Variants in RIT2 observed in about 807,000 individuals in gnomAD.
The protein encoded by RIT2 is Ras like without CAAX 2.
In RIT2, 24 loss-of-function variants were observed where a neutral mutation model predicts 23.7. That is an observed-to-expected ratio of 1.01 (90% CI 0.73 to 1.43). The LOEUF (loss-of-function observed/expected upper bound fraction) is 1.43, where lower values mean the gene tolerates loss of function less well. Ranked by LOEUF, RIT2 falls within the 40% of genes most tolerant of loss-of-function variation. The pLI is 0.00. For synonymous variants in RIT2, 107 were observed against 91.1 expected (o/e 1.17, Z -0.99); for missense variants, 236 against 266.9 (o/e 0.88, Z 0.81).
intron 4 of RIT2, among the ~76,000 whole-genome samples, chr18:42,766,814 C>G (rs1053816996): frequency 1.3e-5 from 2 of 152,170 alleles, no homozygotes; most frequent in East Asian, 3.9e-4. Context: ...ACTTGGTGCC[C>G]TGTGTCCCAG....
intron 4 of RIT2, among the ~76,000 whole-genome samples, chr18:42,832,655 G>A (rs765478324): frequency 6.6e-6 from 1 of 152,140 alleles, no homozygotes; most frequent in African/African-American, 2.4e-5. Flanking sequence ...CATTTATCAT[G>A]TATTTGTTTG....
At chr18:43,065,867 A>G (rs905949716) in intron 1 of RIT2, among the ~76,000 whole-genome samples, 3 of 152,174 alleles carry the variant, frequency 2.0e-5, no homozygotes, top group Non-Finnish European at 4.4e-5. Context: ...ATATATAAAT[A>G]ATGGCTTAAT....
chr18:43,041,192 G>T (rs1031915900), intron 1 of RIT2, among the ~76,000 whole-genome samples: 3 of 152,162 alleles, frequency 2.0e-5, no homozygotes, highest in South Asian at 2.1e-4. Flanking sequence ...TTCTTTGAAA[G>T]TTGGTTAGTG....
intron 1 of RIT2, among the ~76,000 whole-genome samples, chr18:43,080,689 C>T (rs539883759): frequency 3.9e-5 from 6 of 152,224 alleles, no homozygotes; most frequent in African/African-American, 1.4e-4. Context: ...TTGATTCTTT[C>T]ACAAAGCAAG....
intron 1 of RIT2, among the ~76,000 whole-genome samples, chr18:43,094,123 G>GTTTTTTTTTTTT (rs376144367): frequency 3.2e-4 from 37 of 116,010 alleles, no homozygotes; most frequent in Non-Finnish European, 4.5e-4. Flanking sequence ...GGTTTTTTTT[G>GTTTTTTTTTTTT]TTTTTTTTTT....
At chr18:42,860,441 G>C (rs1907296113) in intron 4 of RIT2, among the ~76,000 whole-genome samples, 1 of 152,114 alleles carries the variant, frequency 6.6e-6, no homozygotes, top group Non-Finnish European at 1.5e-5. Flanking sequence ...TCAGAGTTTT[G>C]AAAAAGTTGA....
chr18:42,952,970 T>A (rs1909889454), intron 3 of RIT2, among the ~76,000 whole-genome samples: 1 of 151,248 alleles, frequency 6.6e-6, no homozygotes, highest in South Asian at 2.1e-4. Flanking sequence ...CACTATACCA[T>A]CCTTTCTCAG....
At chr18:42,942,285 A>G (rs1218692273) in intron 3 of RIT2, among the ~76,000 whole-genome samples, 1 of 152,058 alleles carries the variant, frequency 6.6e-6, no homozygotes, top group Non-Finnish European at 1.5e-5. Context: ...GCAGGACTCA[A>G]CTTCTATAAC....
intron 1 of RIT2, among the ~76,000 whole-genome samples, chr18:43,086,597 C>T (rs956380299): frequency 5.9e-5 from 9 of 152,098 alleles, no homozygotes; most frequent in Non-Finnish European, 1.2e-4. Context: ...AATATGAAGG[C>T]TGGGGATGAA....
rs895587191 is a variant in RIT2 at position 43,023,458 on chromosome 18, C to T, written c.160+10353G>A. On this transcript the variant is annotated intron_variant, in intron 2 of 4. Transcript: ENST00000326695. ...ATTTCACCATTTTCATCTTATAGTT[C>T]GATTAATTCCTGCTAAGGATATCAA... Among the ~76,000 whole-genome samples the T allele has an allele frequency of 2.3e-4, 35 of 151,994 alleles. 1 individual carries two copies. The highest frequency in any genetic ancestry group is 6.7e-4 in the African/African-American group (28 of 41,494).
intron 4 of RIT2, among the ~76,000 whole-genome samples, chr18:42,815,503 G>C (rs749327880): frequency 6.6e-6 from 1 of 152,162 alleles, no homozygotes; most frequent in Non-Finnish European, 1.5e-5. Flanking sequence ...AATTATCACT[G>C]TTCCCAAGGA....
intron 2 of RIT2, among the ~76,000 whole-genome samples, chr18:43,006,060 G>C (rs960777379): frequency 6.6e-6 from 1 of 151,540 alleles, no homozygotes; most frequent in Admixed American, 6.6e-5. Flanking sequence ...AAAAAAAATT[G>C]AGAATAACAG....
chr18:42,819,893 C>T (rs1206159821), intron 4 of RIT2, among the ~76,000 whole-genome samples: 6 of 152,006 alleles, frequency 3.9e-5, no homozygotes, highest in Non-Finnish European at 8.8e-5. Flanking sequence ...TTCAGGATCC[C>T]CTGTGGATAC....
At chr18:42,970,887 A>G (rs1910346823) in intron 3 of RIT2, among the ~76,000 whole-genome samples, 3 of 151,916 alleles carry the variant, frequency 2.0e-5, no homozygotes. Flanking sequence ...ATGCTTATCT[A>G]TTGTTAATGT....
chr18:43,052,841 C>G (rs974459072), intron 1 of RIT2, among the ~76,000 whole-genome samples: 32 of 152,050 alleles, frequency 2.1e-4, no homozygotes, highest in African/African-American at 7.7e-4. Context: ...CCTATCAAAG[C>G]AAGTGCAGAG....
chr18:42,810,147 G>A (rs56117100), intron 4 of RIT2, among the ~76,000 whole-genome samples: 13 of 149,192 alleles, frequency 8.7e-5, no homozygotes, highest in South Asian at 4.2e-4. Flanking sequence ...CCAAAATCCC[G>A]AGAATAACTG....
chr18:43,080,177 G>A (rs1913123009), intron 1 of RIT2, among the ~76,000 whole-genome samples: 1 of 152,130 alleles, frequency 6.6e-6, no homozygotes, highest in Non-Finnish European at 1.5e-5. Context: ...CCTGTGCCAG[G>A]CCGCTTTCCT....
chr18:43,040,693 G>A (rs1474581376), intron 1 of RIT2, among the ~76,000 whole-genome samples: 1 of 152,154 alleles, frequency 6.6e-6, no homozygotes, highest in South Asian at 2.1e-4. Context: ...AGATGGGGGT[G>A]CATGTTAGGA....
At chr18:42,841,914 C>G (rs761245304) in intron 4 of RIT2, among the ~76,000 whole-genome samples, 3 of 152,152 alleles carry the variant, frequency 2.0e-5, no homozygotes, top group Non-Finnish European at 2.9e-5. Context: ...AAAGCTTATG[C>G]CACCCATGTC....
Sources: gnomAD v4.1 joint callset for allele counts (sites outside exome capture counted in the v4.1 genomes callset) on GRCh38, gnomAD v4.1.1 for gene constraint, MANE v1.5 for transcripts, NCBI Gene and HGNC (gene_info 2026-07-23, HGNC 2026-07-21) for gene names.